The following UBQLN1 variants were observed in gnomAD, a reference collection of about 807,000 sequenced individuals.
The protein encoded by UBQLN1 is ubiquilin-1.
Under a neutral mutation model 65.4 loss-of-function variants are expected in UBQLN1, and 13 were observed. The ratio of observed to expected loss-of-function variants is 0.20; its 90% CI spans 0.13 to 0.32. UBQLN1 has a LOEUF of 0.32. UBQLN1 is among the 10% of genes least tolerant of loss of function. UBQLN1 has a pLI of 1.00. For synonymous variants in UBQLN1, 267 were observed against 247.8 expected (o/e 1.08, Z -0.73); for missense variants, 561 against 724.0 (o/e 0.77, Z 2.58).
intron 1 of UBQLN1, among the ~76,000 whole-genome samples, chr9:83,688,563 A>G (rs1400255928): frequency 6.6e-6 from 1 of 152,088 alleles, no homozygotes; most frequent in African/African-American, 2.4e-5. Flanking sequence ...GTAAGATACT[A>G]GATTAAACAC....
chr9:83,707,523 G>C lies in UBQLN1; in HGVS notation c.157C>G (p.Pro53Ala). 1 of 1,610,836 alleles carries C rather than the reference G, an allele frequency of 6.2e-7. No homozygotes were observed. The highest frequency in any genetic ancestry group is 1.1e-5 in the South Asian group (1 of 90,900). The change falls in exon 1 of 11, where the codon CCC (proline) becomes GCC (alanine). Residue 53 changes from proline to alanine, a missense_variant. By Grantham distance (27) the Pro-to-Ala change is conservative (BLOSUM62 -1). Transcript: ENST00000376395. The part of the protein sequence containing the change: ...TPKEKEEFAV[P>A]ENSSVQQFKE... ...ACCTGCTGGACGGAGCTATTCTCGG[G>C]CACGGCGAATTCCTCCTTTTCCTTC...
At chr9:83,682,894 C>A in intron 3 of UBQLN1, 57 bp downstream of exon 3, 2 of 908,028 alleles carry the variant, frequency 2.2e-6, no homozygotes, top group South Asian at 2.1e-5. Flanking sequence ...TGAAACTACC[C>A]AGGAAGGGAA....
Position 83,683,031 on chromosome 9 carries a change from G to C in UBQLN1, c.368C>G (p.Ala123Gly), listed in dbSNP as rs767950755. The change falls in exon 3 of 11, where the codon GCT becomes GGT. Residue 123 changes from alanine to glycine, a missense_variant. Transcript: ENST00000376395. Reference protein sequence around the residue: ...QDHSAQQTNTAGSNVTTSSTP... With the variant: ...QDHSAQQTNTGGSNVTTSSTP... The stretch of plus-strand genomic sequence containing the variant: ...TGATGATGTAGTAACATTGCTTCCA[G>C]CTGTATTTGTTTGCTGAGCTGAATG... 2.1e-5 allele frequency: 34 copies of C among 1,611,830 alleles called. No homozygotes were observed. The highest frequency in any genetic ancestry group is 2.5e-5 in the Non-Finnish European group (30 of 1,179,660).
intron 1 of UBQLN1, among the ~76,000 whole-genome samples, chr9:83,699,193 G>T (rs1832270959): frequency 6.6e-6 from 1 of 152,192 alleles, no homozygotes; most frequent in Non-Finnish European, 1.5e-5. Context: ...GTACAACAAT[G>T]TGAATGTACT....
At chr9:83,667,546 A>T in intron 7 of UBQLN1, 1 of 985,460 alleles carries the variant, frequency 1.0e-6, no homozygotes, top group African/African-American at 1.7e-5. Flanking sequence ...AGTGACCAGT[A>T]AGTTCACAGT....
At chr9:83,702,355 T>C (rs1587665572) in intron 1 of UBQLN1, among the ~76,000 whole-genome samples, 1 of 152,198 alleles carries the variant, frequency 6.6e-6, no homozygotes, top group African/African-American at 2.4e-5. Context: ...TCAGAATCAT[T>C]AAATAACGAG....
chr9:83,682,297 T>C lies in UBQLN1; in HGVS notation c.448+654A>G, dbSNP rs190943875. Among the ~76,000 whole-genome samples, 1,146 of 151,334 alleles carry C rather than the reference T, an allele frequency of 7.6e-3. 19 individuals carry two copies. Among genetic ancestry groups the C allele is most frequent in the African/African-American group, 0.027 (1,099 of 41,170 alleles). ...AAGACTCTGTCTCAAAAAATATATATATATATATTCCACAGAACCTCAATA... is the reference window on the plus strand; with the variant it reads ...AAGACTCTGTCTCAAAAAATATATACATATATATTCCACAGAACCTCAATA... On this transcript the variant is annotated intron_variant, in intron 3 of 10. Coordinates refer to ENST00000376395, the MANE Select transcript of UBQLN1 (RefSeq NM_013438.5).
chr9:83,668,529 T>TAGAG (rs1831679021), intron 7 of UBQLN1: 1 of 985,286 alleles, frequency 1.0e-6, no homozygotes, highest in Non-Finnish European at 1.2e-6. Flanking sequence ...TCTCAAAATC[T>TAGAG]CTAAGGATGA....
chr9:83,663,960 G>C lies in UBQLN1; in HGVS notation c.1532C>G (p.Thr511Arg), dbSNP rs201877595. Reference sequence around the variant, plus strand: ...TTCAGTGGTTCCTGCTGTGGGACTTGTGTTTTCACTAGGTGTGGCGTTAGA... The same window carrying C: ...TTCAGTGGTTCCTGCTGTGGGACTTCTGTTTTCACTAGGTGTGGCGTTAGA... ...NGSNATPSEN[T>R]SPTAGTTEPG... Residue 511 changes from threonine (T) to arginine (R), a missense_variant, in exon 10 of 11, where the codon ACA (threonine) becomes AGA (arginine). Thr to Arg is a moderately conservative substitution (Grantham distance 71). Around this residue, in one of 8 missense-constraint regions of UBQLN1, gnomAD observed 68 missense variants for 62.2 expected, o/e 1.09. Transcript: ENST00000376395. 1 of 1,614,154 alleles carries C rather than the reference G, an allele frequency of 6.2e-7. No homozygotes were observed. Among genetic ancestry groups the C allele is most frequent in the African/African-American group, 1.3e-5 (1 of 75,038 alleles).
chr9:83,696,554 G>A (rs1214039456), intron 1 of UBQLN1, among the ~76,000 whole-genome samples: 2 of 151,894 alleles, frequency 1.3e-5, no homozygotes, highest in Non-Finnish European at 2.9e-5. Flanking sequence ...TGGGAGAATC[G>A]CTTGAGCCCA....
intron 1 of UBQLN1, among the ~76,000 whole-genome samples, chr9:83,697,138 G>A (rs1002180019): frequency 2.6e-5 from 4 of 151,944 alleles, no homozygotes; most frequent in African/African-American, 7.3e-5. Context: ...TTGGGGCAGT[G>A]GATCGGTGAG....
chr9:83,700,283 G>A (rs1197669669), intron 1 of UBQLN1, among the ~76,000 whole-genome samples: 3 of 152,138 alleles, frequency 2.0e-5, no homozygotes, highest in African/African-American at 7.2e-5. Context: ...CCTGGAGAGT[G>A]GTGACCTGGG....
intron 6 of UBQLN1, among the ~76,000 whole-genome samples, chr9:83,670,033 A>G (rs1831705654): frequency 6.6e-6 from 1 of 152,224 alleles, no homozygotes; most frequent in African/African-American, 2.4e-5. Context: ...CAAAGCACTT[A>G]TGATTATTGT....
Position 83,707,862 on chromosome 9 carries a change from C to T in UBQLN1, c.-183G>A. On this transcript the variant is annotated 5_prime_UTR_variant, in exon 1 of 11. Coordinates refer to ENST00000376395, the MANE Select transcript of UBQLN1 (RefSeq NM_013438.5). ...GGGGCCCCGGAGCTCGGTGCAGGCT[C>T]TGGCGCAGGCCCGGGTCAGGCGCTC... 1.2e-6 allele frequency: 1 copy of T among 867,606 alleles called. No homozygotes were observed. The allele number at this position is 867,606 out of a possible 1,614,324, so 53.7% of individuals were successfully genotyped here. A position where few individuals can be genotyped will look rare whatever the true frequency, so the allele number is the denominator to read the frequency against.
intron 1 of UBQLN1, among the ~76,000 whole-genome samples, chr9:83,704,824 C>CAAAAAAA (rs780432842): frequency 1.7e-4 from 12 of 69,526 alleles, no homozygotes; most frequent in Admixed American, 5.6e-4. Context: ...GACTCCATCT[C>CAAAAAAA]AAAAAAAAAA....
intron 1 of UBQLN1, among the ~76,000 whole-genome samples, chr9:83,695,868 T>C (rs1344557003): frequency 2.0e-5 from 3 of 152,232 alleles, no homozygotes; most frequent in Non-Finnish European, 1.5e-5. Context: ...CAGATTTAAG[T>C]ATCAACTTCA....
chr9:83,705,695 C>T (rs746753603), intron 1 of UBQLN1, among the ~76,000 whole-genome samples: 8 of 152,164 alleles, frequency 5.3e-5, no homozygotes, highest in Non-Finnish European at 1.2e-4. Flanking sequence ...TAACTAACTG[C>T]AAACAGCCCA....
chr9:83,673,568 C>CAAAAAAAAAAAA (rs77515396), intron 6 of UBQLN1, among the ~76,000 whole-genome samples: 1 of 82,638 alleles, frequency 1.2e-5, no homozygotes. Context: ...AAAAAAAAAA[C>CAAAAAAAAAAAA]AAAAAAAAAA....
chr9:83,683,736 A>G (rs1743128569), intron 2 of UBQLN1, among the ~76,000 whole-genome samples: 1 of 151,834 alleles, frequency 6.6e-6, no homozygotes, highest in African/African-American at 2.4e-5. Flanking sequence ...AAACTTTTTT[A>G]TCTTGGCCAG....
Sources: allele counts gnomAD v4.1 joint callset (sites outside exome capture counted in the v4.1 genomes callset), GRCh38; gene constraint gnomAD v4.1.1; regional missense constraint gnomAD v4.1.1; transcripts MANE v1.5; gene names NCBI Gene and HGNC (gene_info 2026-07-23, HGNC 2026-07-21).